Variants in TYW1B observed in about 807,000 individuals in gnomAD.
TYW1B encodes the protein tRNA-yW synthesizing protein 1 homolog B.
Under a neutral mutation model 86.9 loss-of-function variants are expected in TYW1B, and 73 were observed. The ratio of observed to expected loss-of-function variants is 0.84; its 90% CI spans 0.70 to 1.02. The LOEUF is 1.02. Among genes scored for constraint, TYW1B ranks in the 50% least tolerant of loss-of-function variants. The pLI is 0.00. For synonymous variants in TYW1B, 248 were observed against 292.8 expected, an observed-to-expected ratio of 0.85 and a Z score of 1.56; for missense variants, 637 against 827.4, an observed-to-expected ratio of 0.77 and a Z score of 2.82.
chr7:72,678,323 A>G (rs1262538484), intron 11 of TYW1B, among the ~76,000 whole-genome samples: 1 of 152,166 alleles, frequency 6.6e-6, no homozygotes, highest in African/African-American at 2.4e-5. Flanking sequence ...AGGAGGGGCT[A>G]ACTCTCTGAT....
chr7:72,750,774 T>G (rs1183994409), intron 7 of TYW1B, among the ~76,000 whole-genome samples: 2 of 152,138 alleles, frequency 1.3e-5, no homozygotes, highest in Admixed American at 6.6e-5. Context: ...GTTTCAGATT[T>G]CAAATTTTTT....
In TYW1B at chr7:72,752,323, T is replaced by G. The variant is rs1185803040; in HGVS notation, c.965-7722A>C. On this transcript the variant is annotated intron_variant, in intron 7 of 13. Transcript: ENST00000620995. ...GGTTTCCAGGAAGGAAAGAGAAAAT[T>G]TGGATTATAAACTAAGAACAAGGAA... is the stretch of plus-strand genomic sequence containing the variant. Among the ~76,000 whole-genome samples, 5 of 151,814 alleles carry G rather than the reference T, an allele frequency of 3.3e-5. No homozygotes were observed. The East Asian group carries it at 9.7e-4, about 29-fold the overall frequency.
chr7:72,763,444 G>A (rs938825616), intron 7 of TYW1B, among the ~76,000 whole-genome samples: 8 of 151,228 alleles, frequency 5.3e-5, no homozygotes, highest in Admixed American at 2.6e-4. Context: ...CACCACACTC[G>A]GCTAATTTTT....
chr7:72,716,922 G>A (rs115639736), intron 9 of TYW1B, among the ~76,000 whole-genome samples: 4 of 150,732 alleles, frequency 2.7e-5, no homozygotes, highest in Admixed American at 1.3e-4. Flanking sequence ...CAAGACATAG[G>A]GTTCATTGAA....
chr7:72,748,227 C>T (rs1787430106), intron 7 of TYW1B, among the ~76,000 whole-genome samples: 1 of 152,080 alleles, frequency 6.6e-6, no homozygotes, highest in African/African-American at 2.4e-5. Flanking sequence ...CGAGATGGCG[C>T]CACTGCACTC....
At position 72,828,089 on chromosome 7, in the gene TYW1B, G is replaced by C; in HGVS notation, c.-14C>G. 1 of 1,613,904 alleles carries C rather than the reference G, an allele frequency of 6.2e-7. No homozygotes were observed. The highest frequency in any genetic ancestry group is 8.5e-7 in the Non-Finnish European group (1 of 1,179,902). Reference sequence around the variant, plus strand: ...GCCCTTACCCATCCTCCTCAGAGCCGACAGGAGACTAGGATCTCGGACCTG... The same window carrying C: ...GCCCTTACCCATCCTCCTCAGAGCCCACAGGAGACTAGGATCTCGGACCTG... On this transcript the variant is annotated 5_prime_UTR_variant, in exon 1 of 14. Transcript: ENST00000620995.
chr7:72,593,501 C>T (rs182912499), intron 13 of TYW1B, among the ~76,000 whole-genome samples: 147 of 152,070 alleles, frequency 9.7e-4, no homozygotes, highest in African/African-American at 3.4e-3. Flanking sequence ...AAAGCATATT[C>T]TCCAAGAACA....
intron 11 of TYW1B, among the ~76,000 whole-genome samples, chr7:72,632,290 T>TATATATATATATTATATA (rs1563038339): frequency 8.9e-6 from 1 of 111,928 alleles, no homozygotes; most frequent in African/African-American, 4.4e-5. Flanking sequence ...TACGTGTATA[T>TATATATATATATTATATA]ATATATATAC....
chr7:72,665,482 GCA>G (rs1554445112), intron 11 of TYW1B, among the ~76,000 whole-genome samples: 2 of 152,192 alleles, frequency 1.3e-5, no homozygotes, highest in East Asian at 3.8e-4. Context: ...GATGTTATAT[GCA>G]GCTGATCTGA....
intron 7 of TYW1B, among the ~76,000 whole-genome samples, chr7:72,757,682 G>A (rs1267341988): frequency 1.3e-5 from 2 of 152,142 alleles, no homozygotes; most frequent in African/African-American, 4.8e-5. Flanking sequence ...AGAAAGCCCT[G>A]ACAAACAGAG....
intron 7 of TYW1B, among the ~76,000 whole-genome samples, chr7:72,752,323 T>C (rs1185803040): frequency 6.6e-6 from 1 of 151,814 alleles, no homozygotes; most frequent in Non-Finnish European, 1.5e-5. Context: ...AAGAGAAAAT[T>C]TGGATTATAA....
intron 13 of TYW1B, among the ~76,000 whole-genome samples, chr7:72,604,013 C>T (rs1811738569): frequency 6.6e-6 from 1 of 152,128 alleles, no homozygotes; most frequent in South Asian, 2.1e-4. Flanking sequence ...AGTTAACAAT[C>T]ATAAATCAAC....
chr7:72,585,926 C>T (rs1251845301), intron 13 of TYW1B, among the ~76,000 whole-genome samples: 3 of 152,110 alleles, frequency 2.0e-5, no homozygotes, highest in Non-Finnish European at 4.4e-5. Context: ...ACAATCACCC[C>T]AGAAAACAGA....
chr7:72,691,592 T>C (rs1554450330), intron 11 of TYW1B, among the ~76,000 whole-genome samples: 1 of 152,180 alleles, frequency 6.6e-6, no homozygotes, highest in Admixed American at 6.6e-5. Flanking sequence ...TGTGTTAATG[T>C]TTCCTTGTCA....
chr7:72,620,866 T>C (rs1211951082), intron 12 of TYW1B, among the ~76,000 whole-genome samples: 1 of 152,146 alleles, frequency 6.6e-6, no homozygotes, highest in Non-Finnish European at 1.5e-5. Flanking sequence ...AAAAGCCAAG[T>C]CACTCACATC....
chr7:72,762,582 T>C (rs1787702511), intron 7 of TYW1B, among the ~76,000 whole-genome samples: 1 of 152,220 alleles, frequency 6.6e-6, no homozygotes, highest in South Asian at 2.1e-4. Flanking sequence ...ATGTCTGAAT[T>C]GTTCCCTGTA....
At chr7:72,599,638 A>C (rs1424185344) in intron 13 of TYW1B, among the ~76,000 whole-genome samples, 8 of 152,144 alleles carry the variant, frequency 5.3e-5, no homozygotes, top group African/African-American at 1.9e-4. Flanking sequence ...GATCCCAAAG[A>C]ATCAATGAAA....
At chr7:72,626,398 C>A (rs1554438843) in intron 12 of TYW1B, among the ~76,000 whole-genome samples, 1 of 151,896 alleles carries the variant, frequency 6.6e-6, no homozygotes, top group Non-Finnish European at 1.5e-5. Flanking sequence ...CTCTTAGTTG[C>A]CCAAAAAAGC....
At chr7:72,696,253 T>C (rs1465031423) in intron 10 of TYW1B, among the ~76,000 whole-genome samples, 1 of 152,130 alleles carries the variant, frequency 6.6e-6, no homozygotes, top group Non-Finnish European at 1.5e-5. Context: ...TGGCCTAGAC[T>C]GTACTTTTTC....
Sources: allele counts gnomAD v4.1 joint callset (sites outside exome capture counted in the v4.1 genomes callset), GRCh38; gene constraint gnomAD v4.1.1; transcripts MANE v1.5; gene names NCBI Gene and HGNC (gene_info 2026-07-23, HGNC 2026-07-21).